Variants in PRKD1 observed in about 807,000 individuals in gnomAD.
PRKD1 encodes the protein serine/threonine-protein kinase D1.
In PRKD1, 63 loss-of-function variants were observed where a neutral mutation model predicts 95.9. That is an observed-to-expected ratio of 0.66 (90% CI 0.54 to 0.81). PRKD1 has a LOEUF of 0.81. Ranked by LOEUF, PRKD1 falls within the 30% of genes least tolerant of loss-of-function variation. The pLI is 0.00. For missense variants in PRKD1, 1,048 were observed against 1,165.3 expected (o/e 0.90, Z 1.47); for synonymous variants, 425 against 423.1 (o/e 1.00, Z -0.05).
At chr14:29,696,538 T>G (rs1174307967) in intron 2 of PRKD1, among the ~76,000 whole-genome samples, 1 of 152,212 alleles carries the variant, frequency 6.6e-6, no homozygotes, top group Admixed American at 6.5e-5. Context: ...TGGAAATTTC[T>G]AAAGTTAGAT....
chr14:29,706,735 C>A (rs1398524872), intron 2 of PRKD1, among the ~76,000 whole-genome samples: 2 of 152,060 alleles, frequency 1.3e-5, no homozygotes, highest in Admixed American at 6.5e-5. Context: ...ATTAGGTAAT[C>A]ATGGTCCCTT....
intron 4 of PRKD1, among the ~76,000 whole-genome samples, chr14:29,645,264 T>C (rs1881050522): frequency 6.6e-6 from 1 of 152,140 alleles, no homozygotes; most frequent in Admixed American, 6.5e-5. Flanking sequence ...ATGAACCCCT[T>C]AACCTTGACC....
At chr14:29,599,158 G>T in intron 14 of PRKD1, 33 bp from the exon 15 acceptor site, 1 of 1,563,916 alleles carries the variant, frequency 6.4e-7, no homozygotes. Context: ...TTTCATTCCA[G>T]TTTATTAATT....
intron 1 of PRKD1, among the ~76,000 whole-genome samples, chr14:29,776,589 T>C (rs1888767899): frequency 6.6e-6 from 1 of 152,004 alleles, no homozygotes; most frequent in Middle Eastern, 3.2e-3. Context: ...AAGAGAAGTT[T>C]AGAGAAAAAG....
intron 1 of PRKD1, among the ~76,000 whole-genome samples, chr14:29,878,351 A>C (rs931726106): frequency 4.0e-5 from 6 of 151,620 alleles, no homozygotes; most frequent in African/African-American, 1.4e-4. Flanking sequence ...CAAAAAAAAA[A>C]AAAAAAAAAA....
chr14:29,926,857 G>A (rs1364187979), intron 1 of PRKD1, among the ~76,000 whole-genome samples: 1 of 152,002 alleles, frequency 6.6e-6, no homozygotes, highest in Non-Finnish European at 1.5e-5. Context: ...CAGGAAGGAG[G>A]ATTCCTGCAC....
chr14:29,889,926 C>A (rs1189434754), intron 1 of PRKD1, among the ~76,000 whole-genome samples: 2 of 152,072 alleles, frequency 1.3e-5, no homozygotes, highest in African/African-American at 4.8e-5. Context: ...TTCATTCATC[C>A]AACAAGAATT....
chr14:29,727,650 G>T (rs572808703), intron 1 of PRKD1, among the ~76,000 whole-genome samples: 1 of 151,474 alleles, frequency 6.6e-6, no homozygotes, highest in South Asian at 2.1e-4. Flanking sequence ...ATTAAATAGG[G>T]AATCCTTTCC....
chr14:29,761,323 G>A (rs1360316578), intron 1 of PRKD1, among the ~76,000 whole-genome samples: 2 of 152,196 alleles, frequency 1.3e-5, no homozygotes, highest in Non-Finnish European at 2.9e-5. Context: ...TAAAAGTCCT[G>A]AGTTCAATGC....
chr14:29,609,189 C>T (rs573885621), intron 13 of PRKD1, among the ~76,000 whole-genome samples: 1 of 152,242 alleles, frequency 6.6e-6, no homozygotes, highest in African/African-American at 2.4e-5. Flanking sequence ...TGTTGTGCCA[C>T]TAATTAGCAG....
chr14:29,805,397 G>A (rs1890193085), intron 1 of PRKD1, among the ~76,000 whole-genome samples: 1 of 152,190 alleles, frequency 6.6e-6, no homozygotes, highest in Non-Finnish European at 1.5e-5. Flanking sequence ...TCAAAGAGCA[G>A]CATTTTCTAA....
chr14:29,844,264 G>T (rs144084495), intron 1 of PRKD1, among the ~76,000 whole-genome samples: 1 of 152,312 alleles, frequency 6.6e-6, no homozygotes, highest in East Asian at 1.9e-4. Context: ...AACTTTCTCA[G>T]ACAGAAGAGC....
At chr14:29,654,093 T>TAAAA (rs202171238) in intron 4 of PRKD1, among the ~76,000 whole-genome samples, 5 of 151,758 alleles carry the variant, frequency 3.3e-5, no homozygotes, top group South Asian at 2.1e-4. Context: ...TTTTTTTTTT[T>TAAAA]AAAAAAGCAG....
At chr14:29,586,874 C>T (rs1768547860) in intron 16 of PRKD1, among the ~76,000 whole-genome samples, 1 of 152,108 alleles carries the variant, frequency 6.6e-6, no homozygotes, top group African/African-American at 2.4e-5. Context: ...ATCTGCCCAC[C>T]CTGGCCTCCC....
intron 1 of PRKD1, among the ~76,000 whole-genome samples, chr14:29,741,187 T>C (rs904095027): frequency 6.6e-6 from 1 of 152,112 alleles, no homozygotes; most frequent in African/African-American, 2.4e-5. Flanking sequence ...GGTGATAAAA[T>C]TGTTTATACA....
intron 2 of PRKD1, among the ~76,000 whole-genome samples, chr14:29,667,869 A>C (rs567944205): frequency 2.0e-3 from 307 of 152,250 alleles, no homozygotes; most frequent in African/African-American, 7.0e-3. Flanking sequence ...AATCAGAAGG[A>C]ATATAAATAA....
At chr14:29,767,973 T>C (rs1888329927) in intron 1 of PRKD1, among the ~76,000 whole-genome samples, 1 of 152,350 alleles carries the variant, frequency 6.6e-6, no homozygotes, top group Admixed American at 6.5e-5. Flanking sequence ...TATTATCTAC[T>C]GTTTTATAAC....
intron 1 of PRKD1, among the ~76,000 whole-genome samples, chr14:29,750,973 T>A (rs1250683688): frequency 6.6e-6 from 1 of 152,172 alleles, no homozygotes; most frequent in Non-Finnish European, 1.5e-5. Flanking sequence ...CACTCCTCTT[T>A]TGGGGACTGG....
At chr14:29,661,926 T>C (rs1882213674) in intron 4 of PRKD1, among the ~76,000 whole-genome samples, 1 of 152,180 alleles carries the variant, frequency 6.6e-6, no homozygotes, top group Non-Finnish European at 1.5e-5. Flanking sequence ...ATTTTAAGCA[T>C]TTTACAAAAA....
Sources: gnomAD v4.1 joint callset for allele counts (sites outside exome capture counted in the v4.1 genomes callset) on GRCh38, gnomAD v4.1.1 for gene constraint, MANE v1.5 for transcripts, NCBI Gene and HGNC (gene_info 2026-07-23, HGNC 2026-07-21) for gene names.